TENM2: variants seen among roughly 807,000 people sequenced by gnomAD.
The protein encoded by TENM2 is teneurin-2.
In TENM2, 52 loss-of-function variants were observed where a neutral mutation model predicts 245.2. The observed-to-expected ratio is 0.21, with a 90% CI of 0.17 to 0.27. The LOEUF (loss-of-function observed/expected upper bound fraction) is 0.27. Ranked by LOEUF, TENM2 falls within the 10% of genes least tolerant of loss-of-function variation. The probability of loss-of-function intolerance (pLI) is 1.00; values close to 1 mark genes in which losing one functional copy is unlikely to be tolerated. For missense variants in TENM2, 3,046 were observed against 3,666.8 expected (o/e 0.83, Z 4.37); for synonymous variants, 1,363 against 1,438.9 (o/e 0.95, Z 1.19).
At chr5:167,251,921 G>C in the TENM2 span, among the ~76,000 whole-genome samples, 1 of 152,148 alleles carries the variant, frequency 6.6e-6, no homozygotes, top group African/African-American at 2.4e-5. Context: ...AGTGCCTACT[G>C]TGCCAAGGCA....
exon 25 of TENM2, chr5:168,227,998 G>A (rs377638804): frequency 2.7e-5 from 44 of 1,613,542 alleles, no homozygotes; most frequent in Middle Eastern, 1.6e-4. Context: ...ATGTCCTAGC[G>A]GGCACCATCA....
chr5:167,583,222 A>G (rs2127686947), intron 2 of TENM2, among the ~76,000 whole-genome samples: 1 of 152,198 alleles, frequency 6.6e-6, no homozygotes, highest in East Asian at 1.9e-4. Flanking sequence ...TGGAGATCGC[A>G]TGCCTTGGCT....
chr5:167,546,140 G>A (rs551352501), intron 2 of TENM2, among the ~76,000 whole-genome samples: 74 of 152,280 alleles, frequency 4.9e-4, no homozygotes, highest in African/African-American at 1.8e-3. Flanking sequence ...AGAAAGTGGT[G>A]AAGCAGAGGT....
the TENM2 span, among the ~76,000 whole-genome samples, chr5:167,128,272 A>G: frequency 4.5e-4 from 69 of 152,154 alleles, 1 homozygote; most frequent in Non-Finnish European, 5.3e-4. Context: ...CATGGCCTAC[A>G]AAGTCCGCCA....
chr5:167,313,069 A>G (rs960848616), intron 1 of TENM2, among the ~76,000 whole-genome samples: 4 of 151,838 alleles, frequency 2.6e-5, no homozygotes, highest in Non-Finnish European at 4.4e-5. Flanking sequence ...CTCATGGCTA[A>G]TTTTTGTACT....
intron 3 of TENM2, among the ~76,000 whole-genome samples, chr5:167,880,829 G>A (rs1232425647): frequency 6.6e-6 from 1 of 152,220 alleles, no homozygotes; most frequent in Non-Finnish European, 1.5e-5. Flanking sequence ...AAAGGACCAT[G>A]TAAATTGCAT....
intron 2 of TENM2, among the ~76,000 whole-genome samples, chr5:167,837,836 A>C (rs556041645): frequency 1.3e-5 from 2 of 151,716 alleles, no homozygotes; most frequent in Admixed American, 6.6e-5. Flanking sequence ...TCACGCTCTT[A>C]CGCATTTGCA....
the TENM2 span, among the ~76,000 whole-genome samples, chr5:167,110,977 T>G: frequency 6.6e-6 from 1 of 152,204 alleles, no homozygotes; most frequent in African/African-American, 2.4e-5. Flanking sequence ...TGGATTATTT[T>G]GAGTTCTCTC....
the TENM2 span, among the ~76,000 whole-genome samples, chr5:167,195,880 C>A: frequency 5.1e-3 from 778 of 151,932 alleles, 5 homozygotes; most frequent in African/African-American, 0.017. Context: ...GATACCAAAC[C>A]TTTTATTATT....
intron 12 of TENM2, among the ~76,000 whole-genome samples, chr5:168,137,203 A>G (rs1456668641): frequency 6.6e-6 from 1 of 152,248 alleles, no homozygotes; most frequent in African/African-American, 2.4e-5. Context: ...CCTGGGCTAT[A>G]CATTCCAAGT....
At chr5:167,796,942 C>G (rs1483108499) in intron 2 of TENM2, among the ~76,000 whole-genome samples, 3 of 151,938 alleles carry the variant, frequency 2.0e-5, no homozygotes, top group African/African-American at 7.3e-5. Context: ...TTTCCTCCCT[C>G]ATACTGTCAA....
chr5:168,055,257 A>G (rs1405301914), intron 6 of TENM2, among the ~76,000 whole-genome samples: 1 of 152,242 alleles, frequency 6.6e-6, no homozygotes, highest in Non-Finnish European at 1.5e-5. Flanking sequence ...AAGAATACCT[A>G]CTGTTATAGT....
intron 2 of TENM2, among the ~76,000 whole-genome samples, chr5:167,594,734 T>G (rs2127713424): frequency 6.6e-6 from 1 of 152,320 alleles, no homozygotes; most frequent in East Asian, 1.9e-4. Flanking sequence ...CACTTTGGTG[T>G]CTTTTCAAAT....
chr5:167,172,784 A>T, the TENM2 span, among the ~76,000 whole-genome samples: 2 of 151,652 alleles, frequency 1.3e-5, no homozygotes, highest in Non-Finnish European at 2.9e-5. Context: ...CTATTTATTT[A>T]TTTATTTATT....
Position 168,247,966 on chromosome 5 carries a change from A to G in TENM2, c.7027A>G (p.Ile2343Val). The G allele has an allele frequency of 6.2e-7, 1 of 1,613,894 alleles. No homozygotes were observed. The highest frequency in any genetic ancestry group is 8.5e-7 in the Non-Finnish European group (1 of 1,179,884). ...TGTCTACAATCACTCCAACTCGGAG[A>G]TTACCTCACTGTACTACGACCTCCA... Residue 2343 changes from isoleucine (I) to valine (V), a missense_variant, in exon 27 of 29, where the codon ATT (isoleucine) becomes GTT (valine). By Grantham distance (29) the Ile-to-Val change is conservative. Around this residue, in one of 2 missense-constraint regions of TENM2, gnomAD observed 2,704 missense variants for 3,331.9 expected, o/e 0.81. Coordinates refer to ENST00000518659, the Ensembl canonical transcript of TENM2. This position sits in a 1 kb window ranked among gnomAD's most constrained non-coding sequence, Gnocchi z 7.8.
intron 2 of TENM2, among the ~76,000 whole-genome samples, chr5:167,785,633 G>C (rs1436892254): frequency 6.6e-6 from 1 of 152,214 alleles, no homozygotes; most frequent in Non-Finnish European, 1.5e-5. Context: ...CCAGATGGTA[G>C]TTCAAGTAGG....
chr5:167,983,500 T>C (rs1214394090), intron 4 of TENM2, among the ~76,000 whole-genome samples: 1 of 152,166 alleles, frequency 6.6e-6, no homozygotes, highest in Non-Finnish European at 1.5e-5. Flanking sequence ...TTCCTGTTGT[T>C]CACGGCATAT....
intron 2 of TENM2, among the ~76,000 whole-genome samples, chr5:167,418,104 TG>T (rs1044921108): frequency 9.2e-5 from 14 of 152,016 alleles, no homozygotes; most frequent in African/African-American, 3.1e-4. Flanking sequence ...CCAAGGTGGG[TG>T]GATCACCTGA....
rs544434383 is a variant in TENM2 at position 167,751,744 on chromosome 5, C to T, written c.503-124242C>T. On this transcript the variant is annotated intron_variant, in intron 2 of 28. Coordinates refer to ENST00000518659, the Ensembl canonical transcript of TENM2. ...CACTGTTTTGGTTTTTTTTAAGCTTCACATACACATACATTTTCTGTTCCA... is the reference window on the plus strand; with the variant it reads ...CACTGTTTTGGTTTTTTTTAAGCTTTACATACACATACATTTTCTGTTCCA... 6.6e-5 allele frequency among the ~76,000 whole-genome samples: 10 copies of T among 151,952 alleles called. No homozygotes were observed. In the East Asian group the frequency reaches 1.9e-3, roughly 29 times the overall value.
Sources: gnomAD v4.1 joint callset for allele counts (sites outside exome capture counted in the v4.1 genomes callset) on GRCh38, gnomAD v4.1.1 for gene constraint, gnomAD v4.1.1 regional missense constraint, Gnocchi (gnomAD v3.1) non-coding constraint, MANE v1.5 for transcripts, NCBI Gene and HGNC (gene_info 2026-07-23, HGNC 2026-07-21) for gene names.